Variants in RBBP4 observed in about 807,000 individuals in gnomAD.
The protein encoded by RBBP4 is histone-binding protein RBBP4.
In RBBP4, 3 loss-of-function variants were observed where a neutral mutation model predicts 57.2. The observed-to-expected ratio is 0.05, with a 90% confidence interval of 0.02 to 0.14. The LOEUF is 0.14. Ranked by LOEUF, RBBP4 falls within the 10% of genes least tolerant of loss-of-function variation. The probability of loss-of-function intolerance (pLI) is 1.00; values close to 1 mark genes in which losing one functional copy is unlikely to be tolerated. For missense variants in RBBP4, 107 were observed against 520.6 expected, an observed-to-expected ratio of 0.21 and a Z score of 7.73; for synonymous variants, 151 against 171.5, an observed-to-expected ratio of 0.88 and a Z score of 0.93.
At chr1:32,651,569 A>T (rs992994907) in intron 1 of RBBP4, 1 of 1,080,118 alleles carries the variant, frequency 9.3e-7, no homozygotes, top group African/African-American at 1.6e-5. Context: ...CCTGCCTCCG[A>T]TATCGGTTTC....
In RBBP4 at chr1:32,682,162, A is replaced by G; in HGVS notation, c.*2457A>G. On this transcript the variant is annotated 3_prime_UTR_variant, in exon 12 of 12. Coordinates refer to ENST00000373493, the MANE Select transcript of RBBP4 (RefSeq NM_005610.3). Reference sequence around the variant, plus strand: ...TTTCCAGATTGTACACAATCTGATCAACACAAAGGTAGTTAGTAGATCATT... The same window carrying G: ...TTTCCAGATTGTACACAATCTGATCGACACAAAGGTAGTTAGTAGATCATT... The G allele has an allele frequency of 2.8e-6, 1 of 356,878 alleles. No individual in the cohort carries two copies. The highest frequency in any genetic ancestry group is 5.9e-5 in the East Asian group (1 of 16,968). The allele number at this position is 356,878 out of a possible 1,614,324, so 22.1% of individuals were successfully genotyped here.
chr1:32,665,944 T>C (rs1338535176), intron 3 of RBBP4, among the ~76,000 whole-genome samples: 1 of 152,294 alleles, frequency 6.6e-6, no homozygotes, highest in East Asian at 1.9e-4. Context: ...TATATATTGC[T>C]TTGCCAAGAT....
chr1:32,664,014 C>T (rs1430606679), intron 3 of RBBP4, among the ~76,000 whole-genome samples: 2 of 151,242 alleles, frequency 1.3e-5, no homozygotes, highest in East Asian at 1.9e-4. Context: ...GCAAGCTCCG[C>T]CTCCTGGGTT....
intron 11 of RBBP4, among the ~76,000 whole-genome samples, chr1:32,676,455 C>T (rs567751482): frequency 2.0e-5 from 3 of 150,074 alleles, no homozygotes; most frequent in Admixed American, 1.3e-4. Context: ...AAAATAAATA[C>T]AAAAATTAGC....
chr1:32,668,674 A>G, intron 4 of RBBP4, 65 bp from the exon 5 acceptor site: 1 of 1,327,300 alleles, frequency 7.5e-7, no homozygotes, highest in Non-Finnish European at 1.1e-6. Context: ...CCAAAATTCC[A>G]TTATGCTCAG....
At position 32,686,000 on chromosome 1, in the gene RBBP4, T is replaced by G. The variant is rs1173412198; in HGVS notation, c.*6295T>G. 6.6e-6 allele frequency: 1 copy of G among 152,186 alleles called. No individual in the cohort carries two copies. The highest frequency in any genetic ancestry group is 1.5e-5 in the Non-Finnish European group (1 of 68,036). The allele number at this position is 152,186 out of a possible 1,614,324, so 9.4% of individuals were successfully genotyped here. The stretch of plus-strand genomic sequence containing the variant: ...CTCTGTTACTCTTCCGTATGAACAT[T>G]TTCCTCTAGCCCTGGACTACTAGTA... On this transcript the variant is annotated 3_prime_UTR_variant, in exon 12 of 12. Transcript: ENST00000373493.
chr1:32,662,229 C>T (rs1007170394), intron 3 of RBBP4: 1 of 340,040 alleles, frequency 2.9e-6, no homozygotes, highest in East Asian at 1.1e-4. Context: ...AACAAACAGT[C>T]TCTCTCTGTC....
At chr1:32,652,183 A>AT (rs991126707) in intron 2 of RBBP4, 122 bp downstream of exon 2, 17 of 1,204,298 alleles carry the variant, frequency 1.4e-5, no homozygotes, top group Non-Finnish European at 2.0e-5. Flanking sequence ...TCTTGGTGAC[A>AT]TTTTTTCTAG....
chr1:32,681,559 AG>A lies in RBBP4; in HGVS notation c.*1857del, dbSNP rs1649437875. ...TCATCCTTCACTCAGTGCATATGTGAGGGTTGTTGCTGGAAGACAGGAGGCT... is the reference window on the plus strand; with the variant it reads ...TCATCCTTCACTCAGTGCATATGTGAGGTTGTTGCTGGAAGACAGGAGGCT... On this transcript the variant is annotated 3_prime_UTR_variant, in exon 12 of 12. Coordinates refer to ENST00000373493, the MANE Select transcript of RBBP4 (RefSeq NM_005610.3). 5 of 544,444 alleles carry A rather than the reference AG, an allele frequency of 9.2e-6. No individual in the cohort carries two copies. Among genetic ancestry groups the A allele is most frequent in the South Asian group, 9.0e-5 (4 of 44,420 alleles). The allele number at this position is 544,444 out of a possible 1,614,324, so 33.7% of individuals were successfully genotyped here.
At chr1:32,652,243 A>G in intron 2 of RBBP4, 182 bp downstream of exon 2, 7 of 681,488 alleles carry the variant, frequency 1.0e-5, no homozygotes, top group Non-Finnish European at 1.7e-5. Context: ...TTACCTGACA[A>G]GAGAAAACAT....
At chr1:32,657,328 A>T in intron 2 of RBBP4, 99 bp from the exon 3 acceptor site, 1 of 1,208,264 alleles carries the variant, frequency 8.3e-7, no homozygotes, top group South Asian at 1.5e-5. Flanking sequence ...CTCTCTTAAA[A>T]CCTGGTTGTA....
At chr1:32,677,102 C>T (rs1001663430) in intron 11 of RBBP4, among the ~76,000 whole-genome samples, 2 of 152,164 alleles carry the variant, frequency 1.3e-5, no homozygotes, top group Admixed American at 6.6e-5. Context: ...TCCAAAAACA[C>T]TCGGAGTTTG....
chr1:32,666,513 C>T (rs796510243), intron 3 of RBBP4, among the ~76,000 whole-genome samples: 4 of 152,070 alleles, frequency 2.6e-5, no homozygotes, highest in South Asian at 4.1e-4. Flanking sequence ...CCTGCCACGA[C>T]GCCCAGCTAA....
intron 3 of RBBP4, among the ~76,000 whole-genome samples, chr1:32,662,845 G>C (rs546499979): frequency 1.3e-5 from 2 of 151,846 alleles, no homozygotes; most frequent in African/African-American, 2.4e-5. Context: ...TTAGCTGGGC[G>C]TGGTGGTGTG....
At position 32,683,987 on chromosome 1, in the gene RBBP4, ACTCTT is replaced by A. The variant is rs574323478; in HGVS notation, c.*4289_*4293del. On this transcript the variant is annotated 3_prime_UTR_variant, in exon 12 of 12. Coordinates refer to ENST00000373493, the MANE Select transcript of RBBP4 (RefSeq NM_005610.3). ...GGAAAGCAGTAACAATGCAAACACC[ACTCTT>A]CTCTTCACAAAGATCACCTTGAGAC... The A allele has an allele frequency of 4.4e-3, 7,109 of 1,608,102 alleles. 17 individuals are homozygous for A. The highest frequency in any genetic ancestry group is 0.024 in the Middle Eastern group (146 of 6,052).
intron 8 of RBBP4, among the ~76,000 whole-genome samples, chr1:32,672,165 T>C (rs1387330115): frequency 6.6e-6 from 1 of 151,876 alleles, no homozygotes; most frequent in Non-Finnish European, 1.5e-5. Context: ...AATTTTTGTA[T>C]TTTTAGTAGA....
chr1:32,684,383 C>T lies in RBBP4; in HGVS notation c.*4678C>T, dbSNP rs1271256755. 2.5e-6 allele frequency: 4 copies of T among 1,614,178 alleles called. No individual in the cohort carries two copies. The highest frequency in any genetic ancestry group is 1.1e-5 in the South Asian group (1 of 91,084). ...GTTCTTCCATTTCCTCCAGCTGTTCCTGCATGAGATGGCCAAGAACATTTC... is the reference window on the plus strand; with the variant it reads ...GTTCTTCCATTTCCTCCAGCTGTTCTTGCATGAGATGGCCAAGAACATTTC... On this transcript the variant is annotated 3_prime_UTR_variant, in exon 12 of 12. Coordinates refer to ENST00000373493, the MANE Select transcript of RBBP4 (RefSeq NM_005610.3).
At chr1:32,660,000 G>GT (rs1209983382) in intron 3 of RBBP4, among the ~76,000 whole-genome samples, 3 of 152,180 alleles carry the variant, frequency 2.0e-5, no homozygotes, top group South Asian at 2.1e-4. Flanking sequence ...CCACAACAGC[G>GT]TATGTATTTA....
intron 2 of RBBP4, among the ~76,000 whole-genome samples, chr1:32,656,631 T>C (rs1648152834): frequency 6.6e-6 from 1 of 152,108 alleles, no homozygotes; most frequent in Non-Finnish European, 1.5e-5. Flanking sequence ...GGATTACAGG[T>C]GTGAGCCACC....
Sources: gnomAD v4.1 joint callset for allele counts (sites outside exome capture counted in the v4.1 genomes callset) on GRCh38, gnomAD v4.1.1 for gene constraint, MANE v1.5 for transcripts, NCBI Gene and HGNC (gene_info 2026-07-23, HGNC 2026-07-21) for gene names.